BRPF3: variants seen among roughly 807,000 people sequenced by gnomAD.
BRPF3 encodes bromodomain and PHD finger containing 3, also known as bromodomain and PHD finger-containing protein 3.
A neutral mutation model predicts 102.0 loss-of-function variants in BRPF3; 18 were observed. That is an observed-to-expected ratio of 0.18 (90% confidence interval 0.12 to 0.26). The LOEUF (loss-of-function observed/expected upper bound fraction) is 0.26. BRPF3 is among the 10% of genes least tolerant of loss of function. BRPF3 has a pLI of 1.00. For synonymous variants in BRPF3, 570 were observed against 614.2 expected, an observed-to-expected ratio of 0.93 and a Z score of 1.06; for missense variants, 1,147 against 1,567.8, an observed-to-expected ratio of 0.73 and a Z score of 4.53.
Position 36,205,696 on chromosome 6 carries a change from C to G in BRPF3, c.1605+882C>G, listed in dbSNP as rs114029123. On this transcript the variant is annotated intron_variant, in intron 3 of 12. Coordinates refer to ENST00000357641, the MANE Select transcript of BRPF3 (RefSeq NM_015695.3). ...CTGCTTCTACCTCTCTGACTGTACC[C>G]TATGCTGATCCCACTTCTTGCTCTT... 1.3e-3 allele frequency among the ~76,000 whole-genome samples: 196 copies of G among 152,346 alleles called. 1 individual carries two copies. Among genetic ancestry groups the G allele is most frequent in the African/African-American group, 4.5e-3 (188 of 41,580 alleles).
chr6:36,229,701 CTA>C (rs1366170160), intron 12 of BRPF3, among the ~76,000 whole-genome samples: 1 of 152,218 alleles, frequency 6.6e-6, no homozygotes, highest in African/African-American at 2.4e-5. Flanking sequence ...ACCTTAGCTT[CTA>C]TAGAGTGAGG....
At chr6:36,208,153 T>C (rs1767970446) in intron 4 of BRPF3, among the ~76,000 whole-genome samples, 2 of 152,232 alleles carry the variant, frequency 1.3e-5, no homozygotes, top group Non-Finnish European at 1.5e-5. Flanking sequence ...GCCTGGCACA[T>C]AGTAACAGCC....
In BRPF3 at chr6:36,232,156, A is replaced by G. The variant is rs1432770636; in HGVS notation, c.*1547A>G. ...CAACAAAACACTATAACTTAAAAGG[A>G]TGGGGTTTTGGATTTTGTATAATAA... On this transcript the variant is annotated 3_prime_UTR_variant, in exon 13 of 13. Coordinates refer to ENST00000357641, the MANE Select transcript of BRPF3 (RefSeq NM_015695.3). 1.3e-5 allele frequency: 2 copies of G among 152,674 alleles called. No homozygotes were observed. Among genetic ancestry groups the G allele is most frequent in the Admixed American group, 6.5e-5 (1 of 15,290 alleles). 9.5% of individuals were successfully genotyped at this position (152,674 alleles called of 1,614,324 possible).
intron 3 of BRPF3, among the ~76,000 whole-genome samples, 170 bp from the exon 4 acceptor site, chr6:36,207,143 G>T (rs1004181943): frequency 5.3e-5 from 8 of 152,142 alleles, no homozygotes; most frequent in Admixed American, 1.3e-4. Context: ...CTGTAATACT[G>T]GGGCAGCTCA....
rs1448099293 is a variant in BRPF3 at position 36,232,443 on chromosome 6, TTC to T, written c.*1838_*1839del. The T allele has an allele frequency of 6.6e-6, 1 of 152,646 alleles. No homozygotes were observed. The highest frequency in any genetic ancestry group is 1.5e-5 in the Non-Finnish European group (1 of 68,030). 9.5% of individuals were successfully genotyped at this position (152,646 alleles called of 1,614,324 possible). A position where few individuals can be genotyped will look rare whatever the true frequency, so the allele number is the denominator to read the frequency against. On this transcript the variant is annotated 3_prime_UTR_variant, in exon 13 of 13. Coordinates refer to ENST00000357641, the MANE Select transcript of BRPF3 (RefSeq NM_015695.3). ...ATGTCTATCTCTTCCCCCCAACACT[TTC>T]TCTTCTTAGTCTCTCTCTTTATTTT... is the stretch of plus-strand genomic sequence containing the variant.
At chr6:36,228,760 C>A in intron 11 of BRPF3, 142 bp from the exon 12 acceptor site, 1 of 945,014 alleles carries the variant, frequency 1.1e-6, no homozygotes, top group Non-Finnish European at 1.6e-6. Flanking sequence ...AAGGGGTTTG[C>A]CTGTCTGGTC....
At position 36,230,635 on chromosome 6, in the gene BRPF3, T is replaced by G; in HGVS notation, c.*26T>G. On this transcript the variant is annotated 3_prime_UTR_variant, in exon 13 of 13. Transcript: ENST00000357641. The surrounding 1 kb of genome is among the most constrained non-coding windows in gnomAD (Gnocchi z 5.4). ...GGGCAGGGCTGGGCCTGCATCCGCT[T>G]GCCCTGCCTCCATCCCGCAGGGCAC... The G allele has an allele frequency of 5.0e-6, 8 of 1,608,212 alleles. No individual in the cohort carries two copies. The highest frequency in any genetic ancestry group is 6.8e-6 in the Non-Finnish European group (8 of 1,176,060).
In BRPF3 at chr6:36,207,312, G is replaced by A. The variant is rs1472320496; in HGVS notation, c.1606-1G>A. On this transcript the variant is annotated splice_acceptor_variant, in intron 3 of 12. Coordinates refer to ENST00000357641, the MANE Select transcript of BRPF3 (RefSeq NM_015695.3). LOFTEE classifies it high-confidence loss of function. ...AGTCCCTCTTCTCTTCCCTCCTGTAGCGAGAGCAGGATGAGAAGACAAGTG... is the reference window on the plus strand; with the variant it reads ...AGTCCCTCTTCTCTTCCCTCCTGTAACGAGAGCAGGATGAGAAGACAAGTG... The A allele has an allele frequency of 6.2e-7, 1 of 1,613,464 alleles. No homozygotes were observed. The highest frequency in any genetic ancestry group is 8.5e-7 in the Non-Finnish European group (1 of 1,179,822).
In BRPF3 at chr6:36,231,351, A is replaced by G. The variant is rs1582000878; in HGVS notation, c.*742A>G. ...CCTCCCACCCACAGACCTTCCCTTT[A>G]GCTGTTGACACAACTTCCCAGCTCT... On this transcript the variant is annotated 3_prime_UTR_variant, in exon 13 of 13. Transcript: ENST00000357641. The G allele has an allele frequency of 6.6e-6, 1 of 152,080 alleles. No homozygotes were observed. The highest frequency in any genetic ancestry group is 2.4e-5 in the African/African-American group (1 of 41,280). The allele number at this position is 152,080 out of a possible 1,614,324, so 9.4% of individuals were successfully genotyped here.
chr6:36,205,007 G>T lies in BRPF3; in HGVS notation c.1605+193G>T, dbSNP rs116373261. 2.7e-3 allele frequency among the ~76,000 whole-genome samples: 409 copies of T among 152,298 alleles called. 1 individual carries two copies. Among genetic ancestry groups the T allele is most frequent in the African/African-American group, 9.1e-3 (379 of 41,570 alleles). ...AAGCAGCTCCTTCTGGATGGATGAGGCTTGACTTTGTAGAGAATTCTAGGG... is the reference window on the plus strand; with the variant it reads ...AAGCAGCTCCTTCTGGATGGATGAGTCTTGACTTTGTAGAGAATTCTAGGG... On this transcript the variant is annotated intron_variant, in intron 3 of 12. Coordinates refer to ENST00000357641, the MANE Select transcript of BRPF3 (RefSeq NM_015695.3).
chr6:36,218,204 T>TGA (rs1768400515), intron 9 of BRPF3, among the ~76,000 whole-genome samples, 194 bp downstream of exon 9: 1 of 152,100 alleles, frequency 6.6e-6, no homozygotes, highest in African/African-American at 2.4e-5. Flanking sequence ...AGATCTGATC[T>TGA]GAGAGAGGAA....
chr6:36,223,288 G>A (rs1271163203), intron 10 of BRPF3, among the ~76,000 whole-genome samples: 1 of 152,138 alleles, frequency 6.6e-6, no homozygotes, highest in African/African-American at 2.4e-5. Flanking sequence ...TATGTGTGTT[G>A]ATGAATGCAT....
At chr6:36,212,735 T>C (rs111361403) in intron 7 of BRPF3, among the ~76,000 whole-genome samples, 200 of 151,284 alleles carry the variant, frequency 1.3e-3, no homozygotes, top group African/African-American at 4.7e-3. Flanking sequence ...GGGTGGATCA[T>C]GAGGTCAGGA....
intron 3 of BRPF3, among the ~76,000 whole-genome samples, chr6:36,205,966 C>T (rs901027924): frequency 2.0e-5 from 3 of 152,162 alleles, no homozygotes; most frequent in African/African-American, 4.8e-5. Flanking sequence ...ATGGCTCTCC[C>T]CTCCCTCCTG....
At chr6:36,208,287 C>T (rs1767976347) in intron 4 of BRPF3, among the ~76,000 whole-genome samples, 1 of 152,160 alleles carries the variant, frequency 6.6e-6, no homozygotes, top group South Asian at 2.1e-4. Flanking sequence ...AAACTGTTCT[C>T]TCTGGTCTAG....
chr6:36,207,395 G>A lies in BRPF3; in HGVS notation c.1688G>A (p.Arg563Gln). 2 of 1,614,090 alleles carry A rather than the reference G, an allele frequency of 1.2e-6. No individual in the cohort carries two copies. Among genetic ancestry groups the A allele is most frequent in the Non-Finnish European group, 1.7e-6 (2 of 1,179,988 alleles). The part of the protein sequence containing the change: ...QKLRHDLERA[R>Q]LLIELIRKRE... ...CTCCGGCATGACTTGGAGCGGGCGC[G>A]GCTGCTGATTGAGCTGATTCGGAAG... Residue 563 changes from arginine to glutamine, a missense_variant, in exon 4 of 13, where the codon CGG (arginine) becomes CAG (glutamine). Around this residue, in one of 11 missense-constraint regions of BRPF3, gnomAD observed 23 missense variants for 54.4 expected, o/e 0.42. Coordinates refer to ENST00000357641, the MANE Select transcript of BRPF3 (RefSeq NM_015695.3).
intron 8 of BRPF3, among the ~76,000 whole-genome samples, chr6:36,217,199 TCTTCA>T (rs1309419060): frequency 6.6e-6 from 1 of 152,152 alleles, no homozygotes; most frequent in Non-Finnish European, 1.5e-5. Flanking sequence ...TAAGGTATTA[TCTTCA>T]CTTCACCAAA....
chr6:36,215,832 C>G (rs1768310682), intron 8 of BRPF3, among the ~76,000 whole-genome samples: 2 of 152,132 alleles, frequency 1.3e-5, no homozygotes, highest in South Asian at 4.1e-4. Flanking sequence ...GGGCAGACTA[C>G]TTAGGTCTTG....
At chr6:36,229,744 ATAG>A (rs1561836775) in intron 12 of BRPF3, among the ~76,000 whole-genome samples, 1 of 152,182 alleles carries the variant, frequency 6.6e-6, no homozygotes, top group East Asian at 1.9e-4. Context: ...AACAGTGATA[ATAG>A]TAGCTGCCAT....
Sources: allele counts gnomAD v4.1 joint callset (sites outside exome capture counted in the v4.1 genomes callset), GRCh38; gene constraint gnomAD v4.1.1; regional missense constraint gnomAD v4.1.1; non-coding constraint Gnocchi (gnomAD v3.1); transcripts MANE v1.5; gene names NCBI Gene and HGNC (gene_info 2026-07-23, HGNC 2026-07-21).